Variants in COL28A1 observed in about 807,000 individuals in gnomAD.
COL28A1 encodes the protein collagen alpha-1(XXVIII) chain.
COL28A1 carries 161 observed loss-of-function variants against 150.2 expected under a neutral mutation model. The observed-to-expected ratio is 1.07, with a 90% CI of 0.94 to 1.22. COL28A1 has a LOEUF of 1.22. Ranked by LOEUF, COL28A1 falls within the 50% of genes most tolerant of loss-of-function variation. The pLI, the probability that COL28A1 is intolerant of heterozygous loss-of-function variation, is 0.00. For synonymous variants in COL28A1, 552 were observed against 469.7 expected, an observed-to-expected ratio of 1.18 and a Z score of -2.26; for missense variants, 1,617 against 1,388.3, an observed-to-expected ratio of 1.16 and a Z score of -2.62.
At position 7,417,980 on chromosome 7, in the gene COL28A1, A is replaced by C. The variant is rs1784199276; in HGVS notation, c.2068-53T>G. 4 of 1,456,992 alleles carry C rather than the reference A, an allele frequency of 2.7e-6. No individual in the cohort carries two copies. The South Asian group carries it at 4.7e-5, about 17-fold the overall frequency. 90.3% of individuals were successfully genotyped at this position (1,456,992 alleles called of 1,614,324 possible). On this transcript the variant is annotated intron_variant, in intron 26 of 34. Coordinates refer to ENST00000399429, the MANE Select transcript of COL28A1 (RefSeq NM_001037763.3). ...ACAAAATGTAAGAAGATCGAAGAAG[A>C]AACAACGTTAAGTATTACTACTCTC...
intron 30 of COL28A1, among the ~76,000 whole-genome samples, chr7:7,378,757 T>G (rs1781705612): frequency 1.3e-5 from 2 of 152,192 alleles, no homozygotes; most frequent in African/African-American, 2.4e-5. Context: ...CTGACTTGTG[T>G]GTCTCCATTT....
At chr7:7,505,560 A>G (rs1780763120) in intron 11 of COL28A1, among the ~76,000 whole-genome samples, 1 of 152,078 alleles carries the variant, frequency 6.6e-6, no homozygotes, top group Non-Finnish European at 1.5e-5. Context: ...CATGGTGCTG[A>G]TGGTTGAGAT....
At chr7:7,382,056 TC>T (rs1327187195) in intron 27 of COL28A1, among the ~76,000 whole-genome samples, 1 of 152,216 alleles carries the variant, frequency 6.6e-6, no homozygotes, top group Non-Finnish European at 1.5e-5. Flanking sequence ...ATGCCTGTAA[TC>T]CCAGCACTTT....
chr7:7,444,129 G>C (rs1001969283), intron 19 of COL28A1, among the ~76,000 whole-genome samples: 1 of 151,772 alleles, frequency 6.6e-6, no homozygotes, highest in Non-Finnish European at 1.5e-5. Flanking sequence ...GGCGGGGGGA[G>C]TGGCTTTCTC....
At chr7:7,381,007 T>A in intron 28 of COL28A1, 145 bp from the exon 29 acceptor site, 1 of 667,128 alleles carries the variant, frequency 1.5e-6, no homozygotes. Flanking sequence ...TGAAAAAAAA[T>A]TGGGGGTAAC....
At chr7:7,384,847 G>A (rs1782089266) in intron 27 of COL28A1, among the ~76,000 whole-genome samples, 1 of 151,938 alleles carries the variant, frequency 6.6e-6, no homozygotes, top group Admixed American at 6.6e-5. Flanking sequence ...TCAAAAAAAA[G>A]GAGAGGAGAA....
rs1439334185 is a variant in COL28A1, at chr7:7,531,898, A to G, written c.131T>C (p.Ile44Thr). ...GATGAAGACAATATCTATGAAACAA[A>G]TGGAGCCTGAAACAGAATAAACAGG... ...LARKSDVQGS[I>T]CFIDIVFIVD... The change falls in exon 3 of 35, where the codon ATT (isoleucine) becomes ACT (threonine). Residue 44 changes from isoleucine to threonine, a missense_variant. Ile to Thr is a moderately conservative substitution (Grantham distance 89). Coordinates refer to ENST00000399429, the MANE Select transcript of COL28A1 (RefSeq NM_001037763.3). 1 of 1,594,914 alleles carries G rather than the reference A, an allele frequency of 6.3e-7. No individual in the cohort carries two copies. Among genetic ancestry groups the G allele is most frequent in the South Asian group, 1.1e-5 (1 of 90,006 alleles).
At chr7:7,340,390 CTGAA>C in the COL28A1 span, among the ~76,000 whole-genome samples, 2 of 152,076 alleles carry the variant, frequency 1.3e-5, no homozygotes, top group Non-Finnish European at 2.9e-5. Context: ...GTGCTCTCAT[CTGAA>C]TGAAATTCTT....
chr7:7,503,192 G>A (rs1003282833), intron 11 of COL28A1, among the ~76,000 whole-genome samples: 5 of 152,172 alleles, frequency 3.3e-5, no homozygotes, highest in African/African-American at 1.2e-4. Context: ...TGGTAGCTAA[G>A]AGCAGACTTG....
Position 7,417,042 on chromosome 7 carries a change from C to T in COL28A1, c.2136+817G>A, listed in dbSNP as rs188713326. Among the ~76,000 whole-genome samples, 110 of 151,672 alleles carry T rather than the reference C, an allele frequency of 7.3e-4. 1 individual carries two copies. Among genetic ancestry groups the T allele is most frequent in the African/African-American group, 2.5e-3 (104 of 41,334 alleles). On this transcript the variant is annotated intron_variant, in intron 27 of 34. Transcript: ENST00000399429. ...TGTAAAATAAAAAACCAGCTTATGA[C>T]GGGGGCAGCAGTGGAATCGGAAAAA...
At chr7:7,448,949 T>A (rs1786478604) in intron 18 of COL28A1, among the ~76,000 whole-genome samples, 1 of 152,068 alleles carries the variant, frequency 6.6e-6, no homozygotes, top group Non-Finnish European at 1.5e-5. Flanking sequence ...AGCAGATCTG[T>A]GGGAAGCCTA....
intron 23 of COL28A1, among the ~76,000 whole-genome samples, chr7:7,434,606 G>T (rs576194030): frequency 6.6e-6 from 1 of 152,170 alleles, no homozygotes; most frequent in Non-Finnish European, 1.5e-5. Context: ...ACACCACAGC[G>T]GAGGGGAAAA....
At chr7:7,525,925 A>C (rs1781999984) in intron 3 of COL28A1, among the ~76,000 whole-genome samples, 1 of 152,216 alleles carries the variant, frequency 6.6e-6, no homozygotes. Context: ...CACTAGCTAC[A>C]AAATTTAGAG....
chr7:7,499,486 G>GT (rs1780402892), intron 11 of COL28A1, among the ~76,000 whole-genome samples: 2 of 152,100 alleles, frequency 1.3e-5, no homozygotes, highest in African/African-American at 4.8e-5. Flanking sequence ...ACTTAAAACA[G>GT]TTTTTTGTTT....
downstream of COL28A1, among the ~76,000 whole-genome samples, chr7:7,354,077 T>C (rs180965803): frequency 6.6e-6 from 1 of 152,128 alleles, no homozygotes; most frequent in Admixed American, 6.5e-5. Flanking sequence ...ACTGCAACCT[T>C]GACCTCTTGG....
At chr7:7,406,028 T>C (rs896044043) in intron 27 of COL28A1, among the ~76,000 whole-genome samples, 2 of 152,168 alleles carry the variant, frequency 1.3e-5, no homozygotes, top group Non-Finnish European at 2.9e-5. Context: ...ATTGCATTCA[T>C]TGTGATCCTG....
chr7:7,446,240 T>A (rs1456683320), intron 18 of COL28A1, among the ~76,000 whole-genome samples: 5 of 152,110 alleles, frequency 3.3e-5, no homozygotes, highest in Non-Finnish European at 5.9e-5. Context: ...ATAGGTTTTT[T>A]AAAAGATATC....
chr7:7,492,832 A>G (rs1779996652), intron 11 of COL28A1, among the ~76,000 whole-genome samples: 1 of 151,312 alleles, frequency 6.6e-6, no homozygotes, highest in Non-Finnish European at 1.5e-5. Context: ...CAGTCTGGCA[A>G]ATATTTTTTC....
intron 4 of COL28A1, chr7:7,522,184 T>G (rs995992053): frequency 3.5e-6 from 2 of 574,840 alleles, no homozygotes; most frequent in Admixed American, 2.6e-5. Context: ...CCAGGCAAAT[T>G]TATACCTACC....
Sources: gnomAD v4.1 joint callset for allele counts (sites outside exome capture counted in the v4.1 genomes callset) on GRCh38, gnomAD v4.1.1 for gene constraint, MANE v1.5 for transcripts, NCBI Gene and HGNC (gene_info 2026-07-23, HGNC 2026-07-21) for gene names.